SLC18B1: variants seen among roughly 807,000 people sequenced by gnomAD.
SLC18B1 encodes the protein MFS-type transporter SLC18B1.
A neutral mutation model predicts 53.9 loss-of-function variants in SLC18B1; 62 were observed. The ratio of observed to expected loss-of-function variants is 1.15; its 90% confidence interval spans 0.94 to 1.42. The LOEUF (loss-of-function observed/expected upper bound fraction) is 1.42, where lower values mean the gene tolerates loss of function less well. Among genes scored for constraint, SLC18B1 ranks in the 40% most tolerant of loss-of-function variants. The pLI, the probability that SLC18B1 is intolerant of heterozygous loss-of-function variation, is 0.00. For missense variants in SLC18B1, 598 were observed against 547.3 expected (o/e 1.09, Z -0.93); for synonymous variants, 217 against 200.9 (o/e 1.08, Z -0.68).
chr6:132,781,982 G>T (rs756168234), intron 6 of SLC18B1, among the ~76,000 whole-genome samples: 1 of 151,754 alleles, frequency 6.6e-6, no homozygotes, highest in Non-Finnish European at 1.5e-5. Context: ...TAGGTCAGGA[G>T]TTCGAGACCA....
At chr6:132,770,660 C>CG (rs1442847610) in intron 13 of SLC18B1, among the ~76,000 whole-genome samples, 3 of 152,134 alleles carry the variant, frequency 2.0e-5, no homozygotes, top group Admixed American at 2.0e-4. Context: ...CGCTTGAACC[C>CG]GGGGGGCAGA....
At position 132,784,080 on chromosome 6, in the gene SLC18B1, C is replaced by G. The variant is rs749738886; in HGVS notation, c.511G>C (p.Glu171Gln). ...ATTAGCCCCAGTCCAGAAAAAGTCT[C>G]AAGACTTCCCTTAAAATGAGAAAAA... ...NNVATVLGSL[E>Q]TFSGLGLILG... The change falls in exon 6 of 14, where the codon GAG becomes CAG. Residue 171 changes from glutamate to glutamine, a missense_variant. Glu to Gln is a conservative substitution (Grantham distance 29, BLOSUM62 2). Coordinates refer to ENST00000275227, the MANE Select transcript of SLC18B1 (RefSeq NM_052831.3). 6.4e-7 allele frequency: 1 copy of G among 1,559,508 alleles called. No individual in the cohort carries two copies. The highest frequency in any genetic ancestry group is 2.1e-5 in the Admixed American group (1 of 47,030).
intron 6 of SLC18B1, among the ~76,000 whole-genome samples, chr6:132,782,345 T>C (rs957199001): frequency 3.3e-5 from 5 of 152,214 alleles, no homozygotes; most frequent in Non-Finnish European, 5.9e-5. Flanking sequence ...GTATACATTG[T>C]AGAATAAGTA....
At chr6:132,792,284 G>GAAAGAAAGGAAGGAAGAAAGA (rs1461079612) in intron 2 of SLC18B1, among the ~76,000 whole-genome samples, 1 of 37,780 alleles carries the variant, frequency 2.6e-5, no homozygotes, top group Non-Finnish European at 4.7e-5. Context: ...AGAAAGAAAG[G>GAAAGAAAGGAAGGAAGAAAGA]AAGAAAGGAA....
At chr6:132,795,305 T>A (rs1198479197) in intron 2 of SLC18B1, among the ~76,000 whole-genome samples, 3 of 152,188 alleles carry the variant, frequency 2.0e-5, no homozygotes, top group East Asian at 3.8e-4. Context: ...GATTTTTTTA[T>A]ACTACCCTAA....
At chr6:132,782,223 A>C (rs1781256754) in intron 6 of SLC18B1, among the ~76,000 whole-genome samples, 1 of 151,754 alleles carries the variant, frequency 6.6e-6, no homozygotes, top group Non-Finnish European at 1.5e-5. Context: ...AATAGCTCCC[A>C]GTGGCTTTCA....
At chr6:132,790,883 G>A (rs1246447964) in intron 2 of SLC18B1, among the ~76,000 whole-genome samples, 2 of 152,142 alleles carry the variant, frequency 1.3e-5, no homozygotes, top group Non-Finnish European at 2.9e-5. Flanking sequence ...AGCCAAGGTA[G>A]TTTATCATCC....
intron 2 of SLC18B1, among the ~76,000 whole-genome samples, chr6:132,794,107 A>AT (rs55943508): frequency 0.063 from 8,630 of 137,932 alleles, 294 homozygotes; most frequent in Middle Eastern, 0.084. Context: ...TTTTTTTTTA[A>AT]TTTTTTTTTT....
chr6:132,792,225 CAGAAAGAAAGAAAG>C lies in SLC18B1; in HGVS notation c.184-1967_184-1954del, dbSNP rs1781542075. On this transcript the variant is annotated intron_variant, in intron 2 of 13. Coordinates refer to ENST00000275227, the MANE Select transcript of SLC18B1 (RefSeq NM_052831.3). ...CCTGGGTGACAGAGCAAGACACTGT[CAGAAAGAAAGAAAG>C]AAAGAAAGAAAGAAAGAAAGAAAGA... 2.3e-3 allele frequency among the ~76,000 whole-genome samples: 103 copies of C among 44,470 alleles called. 8 individuals carry two copies. The highest frequency in any genetic ancestry group is 7.5e-3 in the African/African-American group (99 of 13,192). 29.2% of individuals were successfully genotyped at this position (44,470 alleles called of 152,430 possible).
intron 7 of SLC18B1, among the ~76,000 whole-genome samples, 157 bp downstream of exon 7, chr6:132,779,111 A>G (rs962051709): frequency 1.3e-5 from 2 of 152,210 alleles, no homozygotes; most frequent in Non-Finnish European, 2.9e-5. Flanking sequence ...CCTAGTTCAC[A>G]GGGACGGTAG....
chr6:132,798,244 T>C (rs1781749712), intron 1 of SLC18B1, among the ~76,000 whole-genome samples, 170 bp downstream of exon 1: 3 of 152,348 alleles, frequency 2.0e-5, no homozygotes, highest in Admixed American at 2.0e-4. Context: ...CCTGGAACTT[T>C]ACCCCGTCCA....
intron 5 of SLC18B1, 95 bp downstream of exon 5, chr6:132,787,339 C>T: frequency 8.1e-7 from 1 of 1,228,064 alleles, no homozygotes; most frequent in Non-Finnish European, 1.1e-6. Context: ...TAGAGAAATG[C>T]AAGTATAGAA....
rs146444662 is a variant in SLC18B1 at position 132,781,955 on chromosome 6, A to C, written c.658+1978T>G. Among the ~76,000 whole-genome samples the C allele has an allele frequency of 6.1e-3, 927 of 151,998 alleles. 8 individuals are homozygous for C. Among genetic ancestry groups the C allele is most frequent in the African/African-American group, 0.02 (837 of 41,448 alleles). On this transcript the variant is annotated intron_variant, in intron 6 of 13. Coordinates refer to ENST00000275227, the MANE Select transcript of SLC18B1 (RefSeq NM_052831.3). ...GTAATCGCAGCACTTTGGGAAACCA[A>C]GGTGGGAGGATCACTTTAGGTCAGG...
intron 4 of SLC18B1, 132 bp downstream of exon 4, chr6:132,789,632 C>A (rs1781471859): frequency 3.0e-6 from 2 of 676,168 alleles, no homozygotes; most frequent in African/African-American, 1.8e-5. Flanking sequence ...TCAACTCCTG[C>A]CATTAGTCAC....
At chr6:132,790,116 C>T (rs558319558) in intron 3 of SLC18B1, 61 bp downstream of exon 3, 461 of 1,275,736 alleles carry the variant, frequency 3.6e-4, no homozygotes, top group Middle Eastern at 1.0e-3. Flanking sequence ...GACTAGTAAA[C>T]GAAAATAATC....
chr6:132,772,753 C>G (rs9402452), intron 10 of SLC18B1, among the ~76,000 whole-genome samples: 6,763 of 152,288 alleles, frequency 0.044, 219 homozygotes, highest in Middle Eastern at 0.054. Context: ...TACTTACATA[C>G]TGAGGCATAA....
intron 1 of SLC18B1, 53 bp downstream of exon 1, chr6:132,798,361 C>A (rs999973268): frequency 5.2e-5 from 78 of 1,486,706 alleles, no homozygotes; most frequent in Middle Eastern, 1.8e-4. Flanking sequence ...TAAAGAGACA[C>A]GCCGGAAGCC....
chr6:132,792,342 A>G (rs1307887922), intron 2 of SLC18B1, among the ~76,000 whole-genome samples: 1 of 131,672 alleles, frequency 7.6e-6, no homozygotes, highest in Non-Finnish European at 1.6e-5. Context: ...GAAGGAAGGA[A>G]GGAAGGAAGG....
intron 2 of SLC18B1, among the ~76,000 whole-genome samples, chr6:132,795,074 C>T (rs1233943701): frequency 6.6e-6 from 1 of 152,014 alleles, no homozygotes; most frequent in South Asian, 2.1e-4. Flanking sequence ...CTGCTATCCA[C>T]ACTCCATGTA....
Sources: gnomAD v4.1 joint callset for allele counts (sites outside exome capture counted in the v4.1 genomes callset) on GRCh38, gnomAD v4.1.1 for gene constraint, MANE v1.5 for transcripts, NCBI Gene and HGNC (gene_info 2026-07-23, HGNC 2026-07-21) for gene names.